ITPR1: variants seen among roughly 807,000 people sequenced by gnomAD.
ITPR1 encodes the protein inositol 1,4,5-trisphosphate receptor type 1.
In ITPR1, 96 loss-of-function variants were observed where a neutral mutation model predicts 318.4. The observed-to-expected ratio is 0.30, with a 90% CI of 0.26 to 0.36. ITPR1 has a LOEUF of 0.36. Ranked by LOEUF, ITPR1 falls within the 10% of genes least tolerant of loss-of-function variation. ITPR1 has a pLI of 1.00. For synonymous variants in ITPR1, 1,312 were observed against 1,289.9 expected, an observed-to-expected ratio of 1.02 and a Z score of -0.37; for missense variants, 2,440 against 3,460.2, an observed-to-expected ratio of 0.71 and a Z score of 7.40.
chr3:4,548,836 C>T (rs2085281961), intron 4 of ITPR1, among the ~76,000 whole-genome samples: 1 of 152,172 alleles, frequency 6.6e-6, no homozygotes, highest in South Asian at 2.1e-4. Context: ...AACAAGTTTC[C>T]AGTAAGTGTT....
chr3:4,603,806 G>A (rs1342284856), intron 4 of ITPR1, among the ~76,000 whole-genome samples: 2 of 152,158 alleles, frequency 1.3e-5, no homozygotes, highest in Non-Finnish European at 2.9e-5. Flanking sequence ...ATGAACGTAC[G>A]AGTGCGTGTG....
chr3:4,519,697 GTTC>G (rs200133807), intron 3 of ITPR1, among the ~76,000 whole-genome samples: 1,681 of 152,294 alleles, frequency 0.011, 29 homozygotes, highest in African/African-American at 0.038. Flanking sequence ...TGGCTACACT[GTTC>G]TTCTTGTTTA....
intron 25 of ITPR1, 88 bp from the exon 26 acceptor site, chr3:4,681,276 C>T: frequency 1.1e-6 from 1 of 900,716 alleles, no homozygotes; most frequent in South Asian, 1.4e-5. Flanking sequence ...AACTCAACAG[C>T]TTTACCCTGC....
At chr3:4,531,903 T>C (rs763798137) in intron 4 of ITPR1, among the ~76,000 whole-genome samples, 55 of 152,220 alleles carry the variant, frequency 3.6e-4, no homozygotes, top group Non-Finnish European at 6.8e-4. Flanking sequence ...TCAGCCCTGC[T>C]TTTGACTGGT....
intron 23 of ITPR1, among the ~76,000 whole-genome samples, chr3:4,675,749 G>A (rs1000771707): frequency 1.5e-4 from 23 of 152,150 alleles, no homozygotes; most frequent in East Asian, 1.3e-3. Flanking sequence ...TTTCTTCCTC[G>A]TTTTAGGGTC....
intron 40 of ITPR1, among the ~76,000 whole-genome samples, chr3:4,719,671 C>A (rs1382610987): frequency 6.6e-6 from 1 of 152,172 alleles, no homozygotes; most frequent in African/African-American, 2.4e-5. Flanking sequence ...CAATTAATGA[C>A]TTGATAAAAA....
Position 4,813,146 on chromosome 3 carries a change from C to A in ITPR1, c.7473C>A (p.Thr2491=). The A allele has an allele frequency of 3.1e-6, 5 of 1,613,666 alleles. 1 individual carries two copies. The South Asian group carries it at 5.5e-5, about 18-fold the overall frequency. ...RLPNETAVPE[T]GESLASEFLF... is the part of the protein sequence containing the mutation. ...AAATTTCCTTCTCTCTCCCAGAAAC[C>A]GGCGAGAGTTTGGCAAGCGAGTTCC... is the stretch of plus-strand genomic sequence containing the variant. Residue 2491 remains threonine (T), a synonymous_variant, in exon 57 of 62, where the codon ACC becomes ACA. Transcript: ENST00000649015.
At chr3:4,721,301 G>A (rs933638723) in intron 40 of ITPR1, among the ~76,000 whole-genome samples, 6 of 151,642 alleles carry the variant, frequency 4.0e-5, no homozygotes, top group Non-Finnish European at 7.4e-5. Flanking sequence ...GGGTTCTGAT[G>A]AGCTTGTCCT....
chr3:4,610,807 G>A (rs2092025036), intron 4 of ITPR1, among the ~76,000 whole-genome samples: 1 of 151,928 alleles, frequency 6.6e-6, no homozygotes, highest in Admixed American at 6.6e-5. Context: ...CTGGTTTTCA[G>A]GTGGAGTGGC....
At chr3:4,643,726 A>G (rs2093390892) in intron 7 of ITPR1, among the ~76,000 whole-genome samples, 1 of 152,206 alleles carries the variant, frequency 6.6e-6, no homozygotes, top group South Asian at 2.1e-4. Flanking sequence ...ATGTTATAGT[A>G]AAAATATGAA....
chr3:4,670,964 C>T, intron 20 of ITPR1, 38 bp downstream of exon 20: 1 of 1,407,686 alleles, frequency 7.1e-7, no homozygotes, highest in Non-Finnish European at 9.4e-7. Context: ...TTGGGGTGCC[C>T]CAAAACAGTG....
At chr3:4,668,989 T>C (rs1374444709) in intron 18 of ITPR1, among the ~76,000 whole-genome samples, 1 of 152,212 alleles carries the variant, frequency 6.6e-6, no homozygotes, top group Non-Finnish European at 1.5e-5. Context: ...ATATTTTCAG[T>C]TGAAGCGGGA....
At chr3:4,630,979 A>G (rs774132487) in intron 5 of ITPR1, among the ~76,000 whole-genome samples, 1 of 152,244 alleles carries the variant, frequency 6.6e-6, no homozygotes, top group Non-Finnish European at 1.5e-5. Context: ...GGCGACTAAC[A>G]TTAAAGAGTT....
rs536013335 is a variant in ITPR1, at chr3:4,708,325, C to A, written c.4842+1974C>A. Among the ~76,000 whole-genome samples, 14 of 152,266 alleles carry A rather than the reference C, an allele frequency of 9.2e-5. 1 individual carries two copies. The East Asian group carries it at 2.5e-3, about 27-fold the overall frequency. ...AGTCGTATTAGATGGGTGTTAAACA[C>A]TTAAACGTGCATCTTAACTTGACCT... is the stretch of plus-strand genomic sequence containing the variant. On this transcript the variant is annotated intron_variant, in intron 37 of 61. Coordinates refer to ENST00000649015, the MANE Select transcript of ITPR1 (RefSeq NM_001378452.1).
intron 54 of ITPR1, among the ~76,000 whole-genome samples, chr3:4,802,507 G>A (rs757038793): frequency 3.9e-5 from 6 of 152,052 alleles, no homozygotes; most frequent in Non-Finnish European, 8.8e-5. Context: ...GAAGAAAGAA[G>A]GAAGGTATGG....
chr3:4,635,592 G>A (rs547792342), intron 5 of ITPR1, among the ~76,000 whole-genome samples: 120 of 151,996 alleles, frequency 7.9e-4, no homozygotes, highest in Middle Eastern at 3.4e-3. Context: ...TGATCTGCCC[G>A]CCTCGGCCTC....
chr3:4,790,491 A>G (rs2047485781), intron 52 of ITPR1, among the ~76,000 whole-genome samples: 2 of 152,368 alleles, frequency 1.3e-5, no homozygotes, highest in African/African-American at 4.8e-5. Context: ...CTTCAAAACT[A>G]TCTGCTGGTA....
intron 61 of ITPR1, among the ~76,000 whole-genome samples, chr3:4,837,343 C>G (rs1230729644): frequency 6.6e-6 from 1 of 151,980 alleles, no homozygotes; most frequent in African/African-American, 2.4e-5. Context: ...AAATCCTCAC[C>G]CCATATATTT....
At chr3:4,690,961 T>A (rs943429909) in intron 31 of ITPR1, among the ~76,000 whole-genome samples, 183 bp from the exon 32 acceptor site, 7 of 151,986 alleles carry the variant, frequency 4.6e-5, no homozygotes, top group African/African-American at 1.5e-4. Context: ...TATTTATATG[T>A]CAATGAAAAA....
Sources: allele counts gnomAD v4.1 joint callset (sites outside exome capture counted in the v4.1 genomes callset), GRCh38; gene constraint gnomAD v4.1.1; transcripts MANE v1.5; gene names NCBI Gene and HGNC (gene_info 2026-07-23, HGNC 2026-07-21).